Variants in TBC1D14 observed in about 807,000 individuals in gnomAD.
TBC1D14 encodes TBC1 domain family, member 14.
A neutral mutation model predicts 79.0 loss-of-function variants in TBC1D14; 26 were observed. That is an observed-to-expected ratio of 0.33 (90% CI 0.24 to 0.46). TBC1D14 has a LOEUF of 0.46. Ranked by LOEUF, TBC1D14 falls within the 20% of genes least tolerant of loss-of-function variation. The pLI is 1.00. For missense variants in TBC1D14, 769 were observed against 887.6 expected, an observed-to-expected ratio of 0.87 and a Z score of 1.70; for synonymous variants, 394 against 349.9, an observed-to-expected ratio of 1.13 and a Z score of -1.40.
At chr4:6,963,566 G>A (rs960839806) in intron 2 of TBC1D14, among the ~76,000 whole-genome samples, 4 of 152,122 alleles carry the variant, frequency 2.6e-5, no homozygotes, top group Non-Finnish European at 5.9e-5. Flanking sequence ...TTGGCCTCCC[G>A]GGCCCGGCCA....
intron 8 of TBC1D14, among the ~76,000 whole-genome samples, chr4:7,005,501 T>C (rs2109224053): frequency 6.6e-6 from 1 of 150,730 alleles, no homozygotes; most frequent in Admixed American, 6.6e-5. Flanking sequence ...TGCCACTGCA[T>C]TCCAGCCTGG....
intron 3 of TBC1D14, among the ~76,000 whole-genome samples, chr4:6,988,919 C>A (rs1718189990): frequency 2.3e-5 from 2 of 85,906 alleles, no homozygotes; most frequent in Admixed American, 1.9e-4. Flanking sequence ...GAGACAGGGT[C>A]TTGTCCTGTT....
At chr4:6,966,969 T>C (rs1364031558) in intron 2 of TBC1D14, among the ~76,000 whole-genome samples, 1 of 152,058 alleles carries the variant, frequency 6.6e-6, no homozygotes, top group Non-Finnish European at 1.5e-5. Flanking sequence ...GCCACCATGC[T>C]GGGCTAATTT....
intron 12 of TBC1D14, among the ~76,000 whole-genome samples, chr4:7,015,099 C>T (rs1176272541): frequency 6.6e-6 from 1 of 151,658 alleles, no homozygotes; most frequent in Non-Finnish European, 1.5e-5. Context: ...GGACGGCAGG[C>T]GATGAGGTGG....
intron 1 of TBC1D14, among the ~76,000 whole-genome samples, chr4:6,922,798 G>C (rs1439796718): frequency 6.6e-6 from 1 of 152,156 alleles, no homozygotes; most frequent in Non-Finnish European, 1.5e-5. Flanking sequence ...TGCTGCCCTG[G>C]GGATGGAGAT....
intron 9 of TBC1D14, among the ~76,000 whole-genome samples, chr4:7,008,268 C>G (rs965993014): frequency 1.3e-5 from 2 of 152,224 alleles, no homozygotes; most frequent in African/African-American, 4.8e-5. Context: ...CCAGGTCTTT[C>G]ATTCCAATGT....
At chr4:6,909,821 C>A (rs1050651785), upstream of TBC1D14, 79 of 148,386 alleles carry the variant, frequency 5.3e-4, no homozygotes, top group African/African-American at 1.9e-3. Context: ...GGGCTGCTCG[C>A]GCGCACCTGC....
intron 7 of TBC1D14, among the ~76,000 whole-genome samples, chr4:7,002,943 G>A (rs1328542746): frequency 3.9e-5 from 6 of 152,164 alleles, no homozygotes; most frequent in African/African-American, 1.4e-4. Flanking sequence ...CTGTGCCCAG[G>A]TCTCTGGCTC....
At chr4:6,949,630 C>A (rs996366781) in intron 2 of TBC1D14, among the ~76,000 whole-genome samples, 1 of 149,280 alleles carries the variant, frequency 6.7e-6, no homozygotes, top group Non-Finnish European at 1.5e-5. Flanking sequence ...TTGCAGTGAG[C>A]TGAGATCGTG....
chr4:6,929,752 G>T (rs1711555594), intron 2 of TBC1D14, among the ~76,000 whole-genome samples: 1 of 152,224 alleles, frequency 6.6e-6, no homozygotes, highest in African/African-American at 2.4e-5. Context: ...CGGATGGGCT[G>T]CCTTGATGAG....
chr4:6,982,885 G>T (rs1444953990), intron 3 of TBC1D14, among the ~76,000 whole-genome samples: 1 of 152,236 alleles, frequency 6.6e-6, no homozygotes, highest in Admixed American at 6.5e-5. Context: ...ATTTGGAAGG[G>T]TACTTACAAA....
intron 1 of TBC1D14, among the ~76,000 whole-genome samples, chr4:6,920,715 G>A (rs189063131): frequency 3.3e-5 from 5 of 152,306 alleles, no homozygotes; most frequent in Non-Finnish European, 7.4e-5. Context: ...CCAGGAGCGT[G>A]TGAGTCCAAA....
In TBC1D14 at chr4:6,923,516, G is replaced by C. The variant is rs141167484; in HGVS notation, c.127G>C (p.Ala43Pro). 2.9e-5 allele frequency: 46 copies of C among 1,614,032 alleles called. No individual in the cohort carries two copies. In the African/African-American group the frequency reaches 5.2e-4, roughly 18 times the overall value. The stretch of plus-strand genomic sequence containing the variant: ...TCTCAAGGCGCCCCGACTCCTCTCC[G>C]CGCCTGAGTACGGGCCCAAGCTGAA... ...VNLKAPRLLS[A>P]PEYGPKLKLR... Residue 43 changes from alanine to proline, a missense_variant, in exon 2 of 14, where the codon GCG becomes CCG. By Grantham distance (27) the Ala-to-Pro change is conservative. Transcript: ENST00000409757.
intron 13 of TBC1D14, among the ~76,000 whole-genome samples, chr4:7,029,521 C>T (rs1219136321): frequency 6.6e-6 from 1 of 152,172 alleles, no homozygotes; most frequent in African/African-American, 2.4e-5. Flanking sequence ...GCTAAGCAGC[C>T]ACAATGGCGT....
intron 1 of TBC1D14, among the ~76,000 whole-genome samples, chr4:6,916,889 G>A (rs775575151): frequency 1.3e-5 from 2 of 152,252 alleles, no homozygotes; most frequent in Admixed American, 6.5e-5. Context: ...GGGCACCTAC[G>A]GATGCGTACT....
chr4:7,019,255 C>T (rs573889630), intron 12 of TBC1D14, among the ~76,000 whole-genome samples: 27 of 152,170 alleles, frequency 1.8e-4, no homozygotes, highest in Admixed American at 1.2e-3. Flanking sequence ...CTCCTGATCT[C>T]GTGATCCTCC....
chr4:6,929,745 A>G (rs141254983), intron 2 of TBC1D14, among the ~76,000 whole-genome samples: 23 of 152,342 alleles, frequency 1.5e-4, no homozygotes, highest in African/African-American at 5.1e-4. Flanking sequence ...ACAGGAGCGG[A>G]TGGGCTGCCT....
intron 12 of TBC1D14, among the ~76,000 whole-genome samples, chr4:7,024,364 C>T (rs1184456345): frequency 1.3e-5 from 2 of 152,108 alleles, no homozygotes; most frequent in South Asian, 2.1e-4. Context: ...GAGATGTCCC[C>T]ACCCAGCTGG....
Position 6,940,108 on chromosome 4 carries a change from G to A in TBC1D14, c.722+15997G>A, listed in dbSNP as rs576815620. 9.2e-5 allele frequency among the ~76,000 whole-genome samples: 14 copies of A among 152,274 alleles called. No individual in the cohort carries two copies. In the South Asian group the frequency reaches 2.1e-3, roughly 23 times the overall value. On this transcript the variant is annotated intron_variant, in intron 2 of 13. Transcript: ENST00000409757. ...TTAGTTACTAGAATATCAAACTGCC[G>A]TCCAGTGTGTTAGCCACTAGCCCCA...
Sources: gnomAD v4.1 joint callset for allele counts (sites outside exome capture counted in the v4.1 genomes callset) on GRCh38, gnomAD v4.1.1 for gene constraint, MANE v1.5 for transcripts, NCBI Gene and HGNC (gene_info 2026-07-23, HGNC 2026-07-21) for gene names.